Variants in RERE observed in about 807,000 individuals in gnomAD.
RERE encodes the protein arginine-glutamic acid dipeptide repeats protein.
A neutral mutation model predicts 146.1 loss-of-function variants in RERE; 40 were observed. The ratio of observed to expected loss-of-function variants is 0.27; its 90% CI spans 0.21 to 0.36. RERE has a LOEUF of 0.36. Ranked by LOEUF, RERE falls within the 10% of genes least tolerant of loss-of-function variation. The pLI is 1.00. For synonymous variants in RERE, 1,003 were observed against 866.0 expected, an observed-to-expected ratio of 1.16 and a Z score of -2.78; for missense variants, 1,933 against 2,138.7, an observed-to-expected ratio of 0.90 and a Z score of 1.90.
At chr1:8,751,432 C>T (rs1640532219) in intron 1 of RERE, among the ~76,000 whole-genome samples, 1 of 152,092 alleles carries the variant, frequency 6.6e-6, no homozygotes, top group South Asian at 2.1e-4. Flanking sequence ...TAATACCTGG[C>T]ACCTATGGGA....
chr1:8,523,680 T>C (rs903254245), intron 7 of RERE, among the ~76,000 whole-genome samples: 10 of 71,504 alleles, frequency 1.4e-4, no homozygotes, highest in Non-Finnish European at 2.9e-4. Flanking sequence ...AGTTACTTTA[T>C]TGGATTTGAA....
intron 11 of RERE, among the ~76,000 whole-genome samples, chr1:8,448,165 A>T (rs755591574): frequency 7.2e-5 from 11 of 152,126 alleles, no homozygotes; most frequent in Non-Finnish European, 1.3e-4. Context: ...TCTGCACACG[A>T]CAGGCATTTA....
At chr1:8,734,098 C>T (rs991861165) in intron 1 of RERE, among the ~76,000 whole-genome samples, 1 of 152,162 alleles carries the variant, frequency 6.6e-6, no homozygotes, top group African/African-American at 2.4e-5. Flanking sequence ...AAAGGTGAGA[C>T]TCCGTCTCAA....
At chr1:8,720,534 A>AGAGAGAGAGAGAGAACAAGAAC (rs1491270974) in intron 1 of RERE, among the ~76,000 whole-genome samples, 1 of 151,128 alleles carries the variant, frequency 6.6e-6, no homozygotes. Flanking sequence ...AGAGAGAGCA[A>AGAGAGAGAGAGAGAACAAGAAC]GAGAGAGAGA....
intron 12 of RERE, among the ~76,000 whole-genome samples, chr1:8,404,685 GAA>G (rs1191266408): frequency 6.6e-6 from 1 of 152,242 alleles, no homozygotes; most frequent in Non-Finnish European, 1.5e-5. Flanking sequence ...AGACAGAGAA[GAA>G]GAGTCCTTGG....
chr1:8,423,296 G>T lies in RERE; in HGVS notation c.1204-489C>A, dbSNP rs796512084. On this transcript the variant is annotated intron_variant, in intron 11 of 22. Coordinates refer to ENST00000400908, the MANE Select transcript of RERE (RefSeq NM_001042681.2). The surrounding 1 kb of genome is among the most constrained non-coding windows in gnomAD (Gnocchi z 5.4). ...CCTTAATCCAAAGAATTTGCCAGGA[G>T]GCACCGGAAGGCACCAGTATCACAG... The T allele has an allele frequency of 2.6e-5, 4 of 153,664 alleles. No individual in the cohort carries two copies. Among genetic ancestry groups the T allele is most frequent in the Admixed American group, 6.5e-5 (1 of 15,358 alleles). 9.5% of individuals were successfully genotyped at this position (153,664 alleles called of 1,614,324 possible). A position where few individuals can be genotyped will look rare whatever the true frequency, so the allele number is the denominator to read the frequency against.
chr1:8,788,281 A>T (rs1641295292), intron 1 of RERE, among the ~76,000 whole-genome samples: 3 of 152,204 alleles, frequency 2.0e-5, no homozygotes, highest in African/African-American at 7.2e-5. Flanking sequence ...TTATAATAAC[A>T]TCATAACGTT....
chr1:8,454,126 C>G (rs552231368), intron 11 of RERE, among the ~76,000 whole-genome samples: 1 of 152,154 alleles, frequency 6.6e-6, no homozygotes, highest in South Asian at 2.1e-4. Flanking sequence ...GTCTATGGTA[C>G]TCATTAGCCT....
At chr1:8,448,864 CAAAAAAA>C (rs200550198) in intron 11 of RERE, among the ~76,000 whole-genome samples, 1 of 137,180 alleles carries the variant, frequency 7.3e-6, no homozygotes, top group African/African-American at 2.7e-5. Context: ...AATAAACAAA[CAAAAAAA>C]AAAAAGGAAG....
intron 6 of RERE, among the ~76,000 whole-genome samples, chr1:8,547,945 G>C (rs1645885747): frequency 6.6e-6 from 1 of 152,078 alleles, no homozygotes; most frequent in Non-Finnish European, 1.5e-5. Flanking sequence ...CAAAATCCTA[G>C]GAACAACGTA....
chr1:8,540,076 A>ATTAT lies in RERE; in HGVS notation c.830+1134_830+1137dup, dbSNP rs573769260. ...AACTTCTTTGAGCCAAGTATTATTT[A>ATTAT]TTATTTATTTATTTATTTATTTTTT... On this transcript the variant is annotated intron_variant, in intron 7 of 22. Coordinates refer to ENST00000400908, the MANE Select transcript of RERE (RefSeq NM_001042681.2). Among the ~76,000 whole-genome samples the ATTAT allele has an allele frequency of 9.8e-4, 149 of 151,922 alleles. 1 individual carries two copies. Among genetic ancestry groups the ATTAT allele is most frequent in the Admixed American group, 2.1e-3 (32 of 15,276 alleles).
intron 8 of RERE, among the ~76,000 whole-genome samples, chr1:8,504,492 G>T (rs186112515): frequency 6.6e-6 from 1 of 152,292 alleles, no homozygotes; most frequent in Non-Finnish European, 1.5e-5. Flanking sequence ...TTTGTACAAG[G>T]AATAAATGGA....
intron 12 of RERE, among the ~76,000 whole-genome samples, chr1:8,406,635 GT>G (rs1311489858): frequency 6.6e-6 from 1 of 152,096 alleles, no homozygotes; most frequent in Non-Finnish European, 1.5e-5. Context: ...AAACCAAATG[GT>G]TTTTTAAAAA....
intron 12 of RERE, among the ~76,000 whole-genome samples, chr1:8,405,449 T>C (rs961409998): frequency 6.6e-6 from 1 of 152,212 alleles, no homozygotes. Flanking sequence ...CATAGATACA[T>C]GCGTTAAGCA....
intron 15 of RERE, 132 bp downstream of exon 15, chr1:8,363,924 C>A: frequency 1.2e-6 from 1 of 823,230 alleles, no homozygotes; most frequent in Non-Finnish European, 1.9e-6. Flanking sequence ...CCGCCTCGGG[C>A]AAAGCAGCTC....
rs1646954927 is a variant in RERE, at chr1:8,624,786, G to A, written c.326-406C>T. 3.9e-5 allele frequency among the ~76,000 whole-genome samples: 6 copies of A among 152,306 alleles called. No homozygotes were observed. In the South Asian group the frequency reaches 1.2e-3, roughly 32 times the overall value. Reference sequence around the variant, plus strand: ...GTCTTCGAAAAAGAGAAACGGCTTTGCCACGTGCTACTATATTTGTAATAA... The same window carrying A: ...GTCTTCGAAAAAGAGAAACGGCTTTACCACGTGCTACTATATTTGTAATAA... On this transcript the variant is annotated intron_variant, in intron 2 of 22. Coordinates refer to ENST00000400908, the MANE Select transcript of RERE (RefSeq NM_001042681.2).
intron 7 of RERE, among the ~76,000 whole-genome samples, chr1:8,522,027 A>G (rs1009622699): frequency 3.9e-5 from 6 of 152,250 alleles, no homozygotes; most frequent in African/African-American, 1.4e-4. Context: ...TCAAAGTATC[A>G]TAGAGTATAC....
chr1:8,566,772 T>G (rs1380420209), intron 4 of RERE, among the ~76,000 whole-genome samples: 2 of 149,720 alleles, frequency 1.3e-5, no homozygotes, highest in African/African-American at 4.9e-5. Flanking sequence ...TGGAGGGATC[T>G]GCTCACAACT....
At chr1:8,515,855 G>A (rs1645407495) in intron 7 of RERE, among the ~76,000 whole-genome samples, 1 of 152,082 alleles carries the variant, frequency 6.6e-6, no homozygotes, top group African/African-American at 2.4e-5. Flanking sequence ...GTAATATCCA[G>A]AATAATGCAA....
Sources: gnomAD v4.1 joint callset for allele counts (sites outside exome capture counted in the v4.1 genomes callset) on GRCh38, gnomAD v4.1.1 for gene constraint, Gnocchi (gnomAD v3.1) non-coding constraint, MANE v1.5 for transcripts, NCBI Gene and HGNC (gene_info 2026-07-23, HGNC 2026-07-21) for gene names.